TMEM132C: variants seen among roughly 807,000 people sequenced by gnomAD.
The protein encoded by TMEM132C is transmembrane protein 132C.
A neutral mutation model predicts 61.4 loss-of-function variants in TMEM132C; 29 were observed. That is an observed-to-expected ratio of 0.47 (90% CI 0.35 to 0.64). The LOEUF (loss-of-function observed/expected upper bound fraction) is 0.64. Among genes scored for constraint, TMEM132C ranks in the 30% least tolerant of loss-of-function variants. The pLI, the probability that TMEM132C is intolerant of heterozygous loss-of-function variation, is 0.00. For synonymous variants in TMEM132C, 656 were observed against 633.1 expected (o/e 1.04, Z -0.54); for missense variants, 1,408 against 1,476.9 (o/e 0.95, Z 0.76).
rs374058228 is a variant in TMEM132C at position 128,415,168 on chromosome 12, T to A, written c.522T>A (p.Ala174=). The change falls in exon 2 of 9, where the codon GCT becomes GCA. Residue 174 remains alanine (A), a synonymous_variant. Coordinates refer to ENST00000435159, the MANE Select transcript of TMEM132C (RefSeq NM_001136103.3). This position sits in a 1 kb window ranked among gnomAD's most constrained non-coding sequence, Gnocchi z 5.8. The part of the protein sequence containing the change: ...GEKLPCLRVF[A]FRETREVRGS... ...AGCTGCCATGCCTGAGGGTCTTTGCTTTCCGAGAAACCAGAGAGGTGCGGG... is the reference window on the plus strand; with the variant it reads ...AGCTGCCATGCCTGAGGGTCTTTGCATTCCGAGAAACCAGAGAGGTGCGGG... The A allele has an allele frequency of 6.2e-7, 1 of 1,611,026 alleles. No individual in the cohort carries two copies.
At chr12:128,341,101 C>T (rs146966013) in intron 1 of TMEM132C, among the ~76,000 whole-genome samples, 23 of 151,982 alleles carry the variant, frequency 1.5e-4, no homozygotes, top group African/African-American at 2.7e-4. Flanking sequence ...CTACCAGGAC[C>T]GGCTAGTTTT....
At chr12:128,449,012 C>CCTA (rs750961973) in intron 2 of TMEM132C, among the ~76,000 whole-genome samples, 6 of 151,746 alleles carry the variant, frequency 4.0e-5, no homozygotes, top group African/African-American at 7.3e-5. Context: ...TGGCGGGCAC[C>CCTA]TGTAGTCCCA....
chr12:128,366,483 G>A (rs1469863381), intron 1 of TMEM132C, among the ~76,000 whole-genome samples: 1 of 152,148 alleles, frequency 6.6e-6, no homozygotes, highest in Non-Finnish European at 1.5e-5. Flanking sequence ...TATAGCCCCG[G>A]ATCACAGAAC....
At chr12:128,513,490 C>T (rs1273891384) in intron 2 of TMEM132C, among the ~76,000 whole-genome samples, 1 of 152,188 alleles carries the variant, frequency 6.6e-6, no homozygotes, top group African/African-American at 2.4e-5. Context: ...TCTGCAGGGA[C>T]ACTTCTTGCC....
intron 1 of TMEM132C, among the ~76,000 whole-genome samples, chr12:128,321,013 G>C (rs1444285163): frequency 6.6e-6 from 1 of 151,566 alleles, no homozygotes; most frequent in Non-Finnish European, 1.5e-5. Flanking sequence ...TTAAGCAAAA[G>C]CAGACCTGTC....
intron 2 of TMEM132C, chr12:128,437,807 GCCC>G (rs1183222125): frequency 6.6e-6 from 1 of 152,194 alleles, no homozygotes; most frequent in African/African-American, 2.4e-5. Context: ...AGAGAGGACA[GCCC>G]CCATCTCTTG....
intron 4 of TMEM132C, among the ~76,000 whole-genome samples, chr12:128,640,305 A>G (rs79170874): frequency 0.016 from 2,380 of 152,338 alleles, 76 homozygotes; most frequent in African/African-American, 0.054. Context: ...AGCAATAAAA[A>G]TGAAGCACTG....
intron 4 of TMEM132C, among the ~76,000 whole-genome samples, chr12:128,645,276 G>C (rs950260636): frequency 6.6e-6 from 1 of 152,108 alleles, no homozygotes; most frequent in African/African-American, 2.4e-5. Flanking sequence ...CCACAGCCAG[G>C]GATGGGCACC....
intron 1 of TMEM132C, among the ~76,000 whole-genome samples, chr12:128,366,335 C>G (rs1015890653): frequency 6.6e-6 from 1 of 152,224 alleles, no homozygotes; most frequent in South Asian, 2.1e-4. Flanking sequence ...CCATTTCCCC[C>G]CAGCGTGGAC....
intron 1 of TMEM132C, among the ~76,000 whole-genome samples, chr12:128,360,506 C>T (rs1388400652): frequency 2.0e-5 from 3 of 152,234 alleles, no homozygotes; most frequent in South Asian, 2.1e-4. Context: ...AATGTCCCCT[C>T]GTGCCTGCTG....
At position 128,499,338 on chromosome 12, in the gene TMEM132C, G is replaced by A. The variant is rs769938242; in HGVS notation, c.975-44619G>A. Among the ~76,000 whole-genome samples the A allele has an allele frequency of 2.0e-5, 3 of 152,166 alleles. No homozygotes were observed. The East Asian group carries it at 5.8e-4, about 29-fold the overall frequency. ...TGTGATGTTTTGATGCAGGCATACA[G>A]TGTGTAATGATCAAATTAGGGTAAT... On this transcript the variant is annotated intron_variant, in intron 2 of 8. Transcript: ENST00000435159.
At chr12:128,448,464 C>T (rs192312846) in intron 2 of TMEM132C, among the ~76,000 whole-genome samples, 1 of 152,124 alleles carries the variant, frequency 6.6e-6, no homozygotes, top group African/African-American at 2.4e-5. Context: ...TGATGGGGGC[C>T]TCAGGGCCAT....
intron 3 of TMEM132C, among the ~76,000 whole-genome samples, chr12:128,550,967 T>A (rs1027793384): frequency 2.7e-4 from 41 of 152,208 alleles, no homozygotes; most frequent in South Asian, 2.1e-4. Context: ...TGAATTGTCA[T>A]GGACACGGTT....
At chr12:128,397,324 T>G (rs988888499) in intron 1 of TMEM132C, among the ~76,000 whole-genome samples, 2 of 152,214 alleles carry the variant, frequency 1.3e-5, no homozygotes, top group Non-Finnish European at 2.9e-5. Context: ...CCGTGTGTCT[T>G]CTAACATGGT....
Position 128,630,234 on chromosome 12 carries a change from G to C in TMEM132C, c.1305+13899G>C, listed in dbSNP as rs548867178. 1.3e-5 allele frequency among the ~76,000 whole-genome samples: 2 copies of C among 152,114 alleles called. No individual in the cohort carries two copies. The highest frequency in any genetic ancestry group is 2.9e-5 in the Non-Finnish European group (2 of 68,018). On this transcript the variant is annotated intron_variant, in intron 4 of 8. Transcript: ENST00000435159. The surrounding 1 kb of genome is among the most constrained non-coding windows in gnomAD (Gnocchi z 4.3). ...ACAAGCTCCAGGGACCCCACTTTGAGAAGCACTGCCCTGGGTCCAGGGTTG... is the reference window on the plus strand; with the variant it reads ...ACAAGCTCCAGGGACCCCACTTTGACAAGCACTGCCCTGGGTCCAGGGTTG...
At chr12:128,322,393 A>T (rs887337978) in intron 1 of TMEM132C, among the ~76,000 whole-genome samples, 1 of 152,246 alleles carries the variant, frequency 6.6e-6, no homozygotes, top group African/African-American at 2.4e-5. Flanking sequence ...GCCCTGCCCA[A>T]ATGACAGATT....
chr12:128,556,803 G>C (rs935911447), intron 3 of TMEM132C, among the ~76,000 whole-genome samples: 2 of 152,176 alleles, frequency 1.3e-5, no homozygotes, highest in African/African-American at 4.8e-5. Flanking sequence ...CTTGTGAATA[G>C]AGCATGGTGT....
At chr12:128,506,116 C>T (rs757351683) in intron 2 of TMEM132C, among the ~76,000 whole-genome samples, 1 of 152,196 alleles carries the variant, frequency 6.6e-6, no homozygotes, top group Admixed American at 6.5e-5. Flanking sequence ...TTCTGCAGGA[C>T]CCAACCTCGC....
chr12:128,340,327 A>G (rs1413143349), intron 1 of TMEM132C, among the ~76,000 whole-genome samples: 3 of 151,764 alleles, frequency 2.0e-5, no homozygotes, highest in Non-Finnish European at 4.4e-5. Context: ...CTGCTTGAAT[A>G]CTCTATCGGT....
Sources: allele counts gnomAD v4.1 joint callset (sites outside exome capture counted in the v4.1 genomes callset), GRCh38; gene constraint gnomAD v4.1.1; non-coding constraint Gnocchi (gnomAD v3.1); transcripts MANE v1.5; gene names NCBI Gene and HGNC (gene_info 2026-07-23, HGNC 2026-07-21).